Variants in USH2A observed in about 807,000 individuals in gnomAD.
USH2A encodes usherin.
Under a neutral mutation model 538.9 loss-of-function variants are expected in USH2A, and 443 were observed. The ratio of observed to expected loss-of-function variants is 0.82; its 90% CI spans 0.76 to 0.89. The LOEUF is 0.89. Among genes scored for constraint, USH2A ranks in the 40% least tolerant of loss-of-function variants. The pLI is 0.00. For synonymous variants in USH2A, 2,413 were observed against 2,273.5 expected (o/e 1.06, Z -1.75); for missense variants, 6,633 against 6,324.8 (o/e 1.05, Z -1.65).
intron 33 of USH2A, among the ~76,000 whole-genome samples, chr1:216,000,082 T>C (rs1164227007): frequency 6.6e-6 from 1 of 152,172 alleles, no homozygotes; most frequent in Admixed American, 6.5e-5. Context: ...CAAAAAGATA[T>C]ACATACTTTC....
chr1:215,993,587 C>T lies in USH2A; in HGVS notation c.6658-420G>A, dbSNP rs1009892342. ...GTAAAGTACTAGAGGATGAAGACTA[C>T]TTTAAGACAAAACAACTGACTTCTA... On this transcript the variant is annotated intron_variant, in intron 34 of 71. Transcript: ENST00000307340. Among the ~76,000 whole-genome samples, 10 of 151,812 alleles carry T rather than the reference C, an allele frequency of 6.6e-5. No homozygotes were observed. In the South Asian group the frequency reaches 1.9e-3, roughly 28 times the overall value.
At chr1:215,693,428 TAG>T (rs1658689781) in intron 61 of USH2A, among the ~76,000 whole-genome samples, 1 of 152,136 alleles carries the variant, frequency 6.6e-6, no homozygotes, top group African/African-American at 2.4e-5. Context: ...AATTGAGGCT[TAG>T]ATAAGTTAAA....
At chr1:216,349,052 G>A (rs1422438609) in intron 4 of USH2A, among the ~76,000 whole-genome samples, 4 of 152,064 alleles carry the variant, frequency 2.6e-5, no homozygotes, top group Non-Finnish European at 5.9e-5. Context: ...GGAATGTATT[G>A]CTGTTATACT....
intron 38 of USH2A, among the ~76,000 whole-genome samples, chr1:215,930,641 C>A (rs1180475644): frequency 6.6e-6 from 1 of 151,924 alleles, no homozygotes; most frequent in Non-Finnish European, 1.5e-5. Context: ...ATTGCCAATC[C>A]ATACAGGTTT....
intron 35 of USH2A, among the ~76,000 whole-genome samples, chr1:215,988,852 A>G (rs776337699): frequency 1.3e-5 from 2 of 152,192 alleles, no homozygotes; most frequent in Non-Finnish European, 2.9e-5. Flanking sequence ...CAGCACAGAC[A>G]CTGTGGAGCA....
At chr1:215,692,567 C>T (rs925525465) in intron 61 of USH2A, among the ~76,000 whole-genome samples, 1 of 152,082 alleles carries the variant, frequency 6.6e-6, no homozygotes, top group African/African-American at 2.4e-5. Context: ...AGCCAATTAA[C>T]TGTGAGTTAG....
chr1:216,322,022 T>C (rs761674735), intron 8 of USH2A, 46 bp from the exon 9 acceptor site: 6 of 1,568,920 alleles, frequency 3.8e-6, no homozygotes, highest in South Asian at 1.1e-5. Context: ...CCAACTCAAC[T>C]GTGAATATAT....
chr1:215,924,521 A>G (rs1348689491), intron 38 of USH2A, among the ~76,000 whole-genome samples: 3 of 152,118 alleles, frequency 2.0e-5, no homozygotes, highest in African/African-American at 7.2e-5. Flanking sequence ...TTAAAGAAAT[A>G]AAGCAAAAAT....
intron 21 of USH2A, among the ~76,000 whole-genome samples, chr1:216,105,339 G>A (rs965163217): frequency 6.9e-6 from 1 of 145,744 alleles, no homozygotes; most frequent in Non-Finnish European, 1.5e-5. Context: ...TGCATGATGT[G>A]AGATAGGGGT....
chr1:216,254,789 A>T (rs2036229177), intron 11 of USH2A, among the ~76,000 whole-genome samples: 1 of 152,186 alleles, frequency 6.6e-6, no homozygotes, highest in African/African-American at 2.4e-5. Context: ...CAAATGAGAG[A>T]GCCCAGAAGA....
At chr1:215,655,352 T>G (rs1348042241) in intron 64 of USH2A, among the ~76,000 whole-genome samples, 1 of 152,240 alleles carries the variant, frequency 6.6e-6, no homozygotes, top group Non-Finnish European at 1.5e-5. Flanking sequence ...TAGAGTTAAT[T>G]ACTGTGTTTT....
intron 47 of USH2A, among the ~76,000 whole-genome samples, chr1:215,831,438 C>T (rs1164558643): frequency 2.4e-4 from 37 of 151,998 alleles, no homozygotes; most frequent in Admixed American, 2.4e-3. Flanking sequence ...CATCCATTCA[C>T]TAAGATAGAT....
chr1:215,885,123 T>A (rs1256689658), intron 41 of USH2A, among the ~76,000 whole-genome samples: 1 of 152,194 alleles, frequency 6.6e-6, no homozygotes, highest in East Asian at 1.9e-4. Flanking sequence ...GTTTATACAT[T>A]GACTTTATCC....
intron 32 of USH2A, among the ~76,000 whole-genome samples, chr1:216,018,097 A>G (rs1456836168): frequency 6.6e-6 from 1 of 152,176 alleles, no homozygotes; most frequent in Non-Finnish European, 1.5e-5. Context: ...TACTACTATT[A>G]TAACATTTAA....
chr1:216,248,109 C>T (rs1050484932), intron 12 of USH2A, among the ~76,000 whole-genome samples: 1 of 152,086 alleles, frequency 6.6e-6, no homozygotes, highest in African/African-American at 2.4e-5. Context: ...CTCCTTGGCT[C>T]ATAAAGCAAT....
chr1:215,839,384 T>G (rs1309425515), intron 46 of USH2A, among the ~76,000 whole-genome samples: 3 of 152,198 alleles, frequency 2.0e-5, no homozygotes, highest in Non-Finnish European at 4.4e-5. Context: ...ATAATCGTAT[T>G]GATTCCTCAT....
chr1:216,058,137 C>CTGTG (rs1472499507), intron 30 of USH2A, among the ~76,000 whole-genome samples: 2 of 127,806 alleles, frequency 1.6e-5, no homozygotes, highest in African/African-American at 6.6e-5. Context: ...GAAGCCTTGT[C>CTGTG]CATAAGGATG....
chr1:216,232,316 A>G (rs772086673), intron 13 of USH2A, among the ~76,000 whole-genome samples, 180 bp from the exon 14 acceptor site: 2 of 152,194 alleles, frequency 1.3e-5, no homozygotes, highest in African/African-American at 2.4e-5. Flanking sequence ...TGAGTAAATT[A>G]TCTACATTGG....
chr1:215,737,712 C>CTA (rs1660196080), intron 60 of USH2A, among the ~76,000 whole-genome samples: 1 of 152,032 alleles, frequency 6.6e-6, no homozygotes, highest in Admixed American at 6.6e-5. Context: ...ATATTCATAT[C>CTA]TATATCCATC....
Sources: gnomAD v4.1 joint callset for allele counts (sites outside exome capture counted in the v4.1 genomes callset) on GRCh38, gnomAD v4.1.1 for gene constraint, MANE v1.5 for transcripts, NCBI Gene and HGNC (gene_info 2026-07-23, HGNC 2026-07-21) for gene names.